Variants in ATP6V1H observed in about 807,000 individuals in gnomAD.
ATP6V1H encodes the protein V-type proton ATPase subunit H.
Under a neutral mutation model 71.7 loss-of-function variants are expected in ATP6V1H, and 39 were observed. The observed-to-expected ratio is 0.54, with a 90% confidence interval of 0.42 to 0.71. The LOEUF (loss-of-function observed/expected upper bound fraction) is 0.71. Ranked by LOEUF, ATP6V1H falls within the 30% of genes least tolerant of loss-of-function variation. ATP6V1H has a pLI of 0.00. For missense variants in ATP6V1H, 509 were observed against 594.9 expected, an observed-to-expected ratio of 0.86 and a Z score of 1.50; for synonymous variants, 192 against 199.3, an observed-to-expected ratio of 0.96 and a Z score of 0.31.
chr8:53,732,305 T>A (rs1807052119), intron 13 of ATP6V1H, among the ~76,000 whole-genome samples: 1 of 152,118 alleles, frequency 6.6e-6, no homozygotes, highest in Non-Finnish European at 1.5e-5. Context: ...CTAGGAACTA[T>A]GTTAAAAAAT....
intron 9 of ATP6V1H, among the ~76,000 whole-genome samples, chr8:53,788,305 T>C (rs1001119713): frequency 2.8e-4 from 42 of 152,292 alleles, no homozygotes; most frequent in Non-Finnish European, 5.4e-4. Context: ...AATTAGACAA[T>C]AGAAGCCCAT....
Position 53,791,064 on chromosome 8 carries a change from A to T in ATP6V1H, c.870+4583T>A, listed in dbSNP as rs576228471. 8.8e-5 allele frequency among the ~76,000 whole-genome samples: 11 copies of T among 125,358 alleles called. No individual in the cohort carries two copies. In the East Asian group the frequency reaches 4.4e-3, roughly 50 times the overall value. The allele number at this position is 125,358 out of a possible 152,430, so 82.2% of individuals were successfully genotyped here. A position where few individuals can be genotyped will look rare whatever the true frequency, so the allele number is the denominator to read the frequency against. On this transcript the variant is annotated intron_variant, in intron 9 of 13. Transcript: ENST00000359530. ...AGGCTCCTGTGACAATGGTAGAATT[A>T]AAAAAAAGGAAAGACAAGGGAGAAA...
intron 11 of ATP6V1H, 145 bp downstream of exon 11, chr8:53,769,473 A>T: frequency 1.4e-6 from 1 of 738,602 alleles, no homozygotes; most frequent in Non-Finnish European, 2.1e-6. Context: ...TCAAAAGGAT[A>T]TGAAAAGGCA....
At chr8:53,718,030 C>T (rs112648323) in intron 13 of ATP6V1H, among the ~76,000 whole-genome samples, 20 of 152,128 alleles carry the variant, frequency 1.3e-4, no homozygotes, top group African/African-American at 4.3e-4. Flanking sequence ...TATGGGAAAG[C>T]CTCCAGGAGC....
chr8:53,769,547 G>T, intron 11 of ATP6V1H, 71 bp downstream of exon 11: 1 of 1,441,938 alleles, frequency 6.9e-7, no homozygotes, highest in South Asian at 1.4e-5. Flanking sequence ...AATTTAGAGT[G>T]ACAAAAACGA....
chr8:53,834,501 A>G (rs1472138176), intron 2 of ATP6V1H, among the ~76,000 whole-genome samples: 4 of 152,086 alleles, frequency 2.6e-5, no homozygotes, highest in Admixed American at 6.5e-5. Context: ...TCTCAGCTCA[A>G]TGCAACCTCT....
intron 7 of ATP6V1H, among the ~76,000 whole-genome samples, chr8:53,804,376 A>C (rs1810010966): frequency 6.6e-6 from 1 of 152,182 alleles, no homozygotes; most frequent in Non-Finnish European, 1.5e-5. Context: ...AATTTGCTGA[A>C]ATGAAAATAC....
rs142308855 is a variant in ATP6V1H at position 53,756,596 on chromosome 8, G to A, written c.1236C>T (p.His412=). The A allele has an allele frequency of 5.6e-6, 9 of 1,613,862 alleles. No homozygotes were observed. The highest frequency in any genetic ancestry group is 4.0e-5 in the African/African-American group (3 of 74,900). Residue 412 remains histidine, a synonymous_variant, in exon 12 of 14, where the codon CAC becomes CAT. Coordinates refer to ENST00000359530, the MANE Select transcript of ATP6V1H (RefSeq NM_015941.4). ...DDPQVLAVAA[H]DVGEYVRHYP... Reference sequence around the variant, plus strand: ...AATGCCGCACATATTCTCCAACATCGTGAGCAGCAACAGCTAAGACTTGGG... The same window carrying A: ...AATGCCGCACATATTCTCCAACATCATGAGCAGCAACAGCTAAGACTTGGG...
chr8:53,756,520 C>T (rs1808069628), intron 12 of ATP6V1H, 35 bp downstream of exon 12: 1 of 1,571,186 alleles, frequency 6.4e-7, no homozygotes, highest in South Asian at 1.1e-5. Context: ...CTGAAGGTTT[C>T]AAGAAACCAA....
intron 11 of ATP6V1H, among the ~76,000 whole-genome samples, chr8:53,762,642 A>G (rs1808307243): frequency 6.6e-6 from 1 of 152,244 alleles, no homozygotes; most frequent in Non-Finnish European, 1.5e-5. Context: ...ATGATGGAAT[A>G]GAACAAAGAA....
intron 2 of ATP6V1H, among the ~76,000 whole-genome samples, chr8:53,837,338 G>T (rs1468805225): frequency 6.6e-6 from 1 of 152,138 alleles, no homozygotes; most frequent in Non-Finnish European, 1.5e-5. Context: ...CCTACTACAT[G>T]CCAGGCACCT....
rs572959418 is a variant in ATP6V1H, at chr8:53,769,572, T to G, written c.1175+46A>C. The G allele has an allele frequency of 4.5e-6, 7 of 1,548,290 alleles. No individual in the cohort carries two copies. In the South Asian group the frequency reaches 8.6e-5, roughly 19 times the overall value. ...GACAAAAACGAGTGTTGGTGAGGAT[T>G]TGGGATAACAGATATTAAGAGTGTA... On this transcript the variant is annotated intron_variant, in intron 11 of 13. Coordinates refer to ENST00000359530, the MANE Select transcript of ATP6V1H (RefSeq NM_015941.4).
At chr8:53,802,004 G>A (rs1809925366) in intron 7 of ATP6V1H, 108 bp from the exon 8 acceptor site, 9 of 920,890 alleles carry the variant, frequency 9.8e-6, no homozygotes, top group Non-Finnish European at 1.5e-5. Context: ...ATTACCATCT[G>A]AGCATCCAAA....
At chr8:53,719,295 C>T (rs1470805818) in intron 13 of ATP6V1H, among the ~76,000 whole-genome samples, 6 of 152,206 alleles carry the variant, frequency 3.9e-5, no homozygotes, top group African/African-American at 1.2e-4. Flanking sequence ...CTTGGCCCCC[C>T]GAGTAGCTGG....
chr8:53,817,762 T>G (rs1353362214), intron 4 of ATP6V1H, among the ~76,000 whole-genome samples: 1 of 151,994 alleles, frequency 6.6e-6, no homozygotes. Context: ...AATCACAAAG[T>G]GTAAGACTAC....
intron 13 of ATP6V1H, among the ~76,000 whole-genome samples, chr8:53,722,166 T>C (rs751955899): frequency 3.3e-5 from 5 of 152,248 alleles, no homozygotes; most frequent in Non-Finnish European, 5.9e-5. Context: ...TCTCTGGCTA[T>C]GCTCAAGAGT....
intron 9 of ATP6V1H, among the ~76,000 whole-genome samples, chr8:53,785,488 C>T (rs1225189970): frequency 6.6e-6 from 1 of 152,084 alleles, no homozygotes. Context: ...TTTGAACTTC[C>T]TCCTTTAGCT....
chr8:53,736,966 G>A (rs1807226772), intron 13 of ATP6V1H, among the ~76,000 whole-genome samples: 1 of 152,224 alleles, frequency 6.6e-6, no homozygotes, highest in Non-Finnish European at 1.5e-5. Context: ...ATTGTATAAG[G>A]AAGCATTGTG....
chr8:53,756,069 CTT>C (rs199967847), intron 12 of ATP6V1H, among the ~76,000 whole-genome samples: 12 of 96,544 alleles, frequency 1.2e-4, no homozygotes, highest in African/African-American at 4.0e-4. Flanking sequence ...TTTTTCTTTT[CTT>C]TTTTTTTTTT....
Sources: gnomAD v4.1 joint callset for allele counts (sites outside exome capture counted in the v4.1 genomes callset) on GRCh38, gnomAD v4.1.1 for gene constraint, MANE v1.5 for transcripts, NCBI Gene and HGNC (gene_info 2026-07-23, HGNC 2026-07-21) for gene names.